Variants in CACNG2 observed in about 807,000 individuals in gnomAD.
CACNG2 encodes voltage-dependent calcium channel gamma-2 subunit.
A neutral mutation model predicts 25.9 loss-of-function variants in CACNG2; 3 were observed. The ratio of observed to expected loss-of-function variants is 0.12; its 90% CI spans 0.05 to 0.30. The LOEUF is 0.30. Among genes scored for constraint, CACNG2 ranks in the 10% least tolerant of loss-of-function variants. The pLI is 1.00. For missense variants in CACNG2, 341 were observed against 432.5 expected (o/e 0.79, Z 1.88); for synonymous variants, 167 against 173.3 (o/e 0.96, Z 0.29).
At chr22:36,621,485 G>A (rs1442503223) in intron 1 of CACNG2, among the ~76,000 whole-genome samples, 2 of 151,676 alleles carry the variant, frequency 1.3e-5, no homozygotes, top group South Asian at 2.1e-4. Flanking sequence ...CATGAAAATC[G>A]CTTGAACCCA....
At chr22:36,622,114 A>C (rs1292418000) in intron 1 of CACNG2, among the ~76,000 whole-genome samples, 2 of 152,176 alleles carry the variant, frequency 1.3e-5, no homozygotes, top group East Asian at 3.8e-4. Context: ...AGGCACAGAG[A>C]AGTTTAGTGA....
chr22:36,685,597 G>A lies in CACNG2; in HGVS notation c.211+16769C>T, dbSNP rs536980023. On this transcript the variant is annotated intron_variant, in intron 1 of 3. Transcript: ENST00000300105. ...CACCTCGGCTGCCGAGGCCCATCGG[G>A]AAGCCCCAGAGGCACAGTGTTCTCA... Among the ~76,000 whole-genome samples, 384 of 152,296 alleles carry A rather than the reference G, an allele frequency of 2.5e-3. 3 individuals carry two copies. Among genetic ancestry groups the A allele is most frequent in the African/African-American group, 8.9e-3 (370 of 41,566 alleles).
Position 36,564,895 on chromosome 22 carries a change from C to A in CACNG2, c.437-9G>T. 1 of 1,609,208 alleles carries A rather than the reference C, an allele frequency of 6.2e-7. No individual in the cohort carries two copies. The highest frequency in any genetic ancestry group is 1.1e-5 in the South Asian group (1 of 91,054). On this transcript the variant is annotated splice_polypyrimidine_tract_variant and intron_variant, in intron 3 of 3. Transcript: ENST00000300105. This position sits in a 1 kb window ranked among gnomAD's most constrained non-coding sequence, Gnocchi z 6.7. ...AATGATGTTACTCAGACCTGCGGGG[C>A]GCAGGGTGGCGGGGTGGGGGATCAG...
intron 2 of CACNG2, among the ~76,000 whole-genome samples, chr22:36,581,465 C>T (rs531630917): frequency 5.0e-4 from 76 of 152,222 alleles, no homozygotes; most frequent in Non-Finnish European, 9.0e-4. Flanking sequence ...GGCTTGAGCG[C>T]GGTGAGCCCC....
intron 1 of CACNG2, among the ~76,000 whole-genome samples, chr22:36,687,257 T>C (rs1358047647): frequency 6.6e-6 from 1 of 152,240 alleles, no homozygotes; most frequent in Non-Finnish European, 1.5e-5. Context: ...AGCCCCAGAT[T>C]TGTTTACTTG....
intron 1 of CACNG2, among the ~76,000 whole-genome samples, chr22:36,692,792 C>T (rs1937281670): frequency 6.6e-6 from 1 of 152,116 alleles, no homozygotes. Flanking sequence ...CATGGGGCTT[C>T]CAGTCTTACA....
chr22:36,637,736 C>T (rs1936379743), intron 1 of CACNG2, among the ~76,000 whole-genome samples: 1 of 152,090 alleles, frequency 6.6e-6, no homozygotes, highest in Non-Finnish European at 1.5e-5. Context: ...TGTCTGTTTC[C>T]TGGCCAGGTG....
chr22:36,595,036 T>C lies in CACNG2; in HGVS notation c.212-7488A>G, dbSNP rs989529308. Among the ~76,000 whole-genome samples the C allele has an allele frequency of 2.0e-5, 3 of 151,426 alleles. No homozygotes were observed. The South Asian group carries it at 6.3e-4, about 32-fold the overall frequency. On this transcript the variant is annotated intron_variant, in intron 1 of 3. Transcript: ENST00000300105. ...GTCTGCATATGTGTGTGTGTGCATG[T>C]ATGTGTCTGTGTGTGCATGTGTCTT...
At chr22:36,640,495 G>C (rs1362519676) in intron 1 of CACNG2, among the ~76,000 whole-genome samples, 1 of 152,216 alleles carries the variant, frequency 6.6e-6, no homozygotes, top group Non-Finnish European at 1.5e-5. Context: ...GGCCTCTGCA[G>C]CTGGACAGCC....
At position 36,703,215 on chromosome 22, in the gene CACNG2, G is replaced by A; in HGVS notation, c.-639C>T. 6.3e-6 allele frequency: 1 copy of A among 159,056 alleles called. No individual in the cohort carries two copies. The highest frequency in any genetic ancestry group is 1.3e-5 in the Non-Finnish European group (1 of 74,164). 9.9% of individuals were successfully genotyped at this position (159,056 alleles called of 1,614,324 possible). On this transcript the variant is annotated 5_prime_UTR_variant, in exon 1 of 4. Transcript: ENST00000300105. ...TCAGCTGCACAGGTGCGGGGGTCTC[G>A]CTTTCCATGGTTTTGCCCGGGCAGC...
chr22:36,701,523 A>G (rs1172581955), intron 1 of CACNG2, among the ~76,000 whole-genome samples: 1 of 145,816 alleles, frequency 6.9e-6, no homozygotes, highest in African/African-American at 2.6e-5. Flanking sequence ...TCCCCCCTCA[A>G]CCTCCCCATG....
In CACNG2 at chr22:36,564,556, C is replaced by T. The variant is rs759221759; in HGVS notation, c.767G>A (p.Gly256Asp). 10 of 1,613,938 alleles carry T rather than the reference C, an allele frequency of 6.2e-6. No homozygotes were observed. The African/African-American group carries it at 6.7e-5, about 11-fold the overall frequency. The change falls in exon 4 of 4, where the codon GGC (glycine) becomes GAC (aspartate). Residue 256 changes from glycine to aspartate, a missense_variant. By Grantham distance (94) the Gly-to-Asp change is moderately conservative. This residue lies in a region of CACNG2 where 172 missense variants were observed against 178.1 expected (regional missense o/e 0.97). Transcript: ENST00000300105. This position sits in a 1 kb window ranked among gnomAD's most constrained non-coding sequence, Gnocchi z 6.7. ...PSHSRDASPV[G>D]IKGFNTLPST... ...CGGCAGGGTGTTGAAGCCCTTGATGCCCACGGGGGAGGCGTCCCTGGAGTG... is the reference window on the plus strand; with the variant it reads ...CGGCAGGGTGTTGAAGCCCTTGATGTCCACGGGGGAGGCGTCCCTGGAGTG...
chr22:36,622,253 C>A (rs576756304), intron 1 of CACNG2, among the ~76,000 whole-genome samples: 1 of 152,226 alleles, frequency 6.6e-6, no homozygotes, highest in African/African-American at 2.4e-5. Flanking sequence ...TACTTGAAAT[C>A]GGCAGTTCTC....
rs144996798 is a variant in CACNG2 at position 36,594,017 on chromosome 22, C to T, written c.212-6469G>A. ...GATGAAATGAATGAGATTTCATTTC[C>T]CTAAGGCCAGCCTAGGGTTCCATTG... is the stretch of plus-strand genomic sequence containing the variant. On this transcript the variant is annotated intron_variant, in intron 1 of 3. Coordinates refer to ENST00000300105, the MANE Select transcript of CACNG2 (RefSeq NM_006078.5). Among the ~76,000 whole-genome samples, 215 of 152,164 alleles carry T rather than the reference C, an allele frequency of 1.4e-3. 1 individual carries two copies. The highest frequency in any genetic ancestry group is 4.7e-3 in the African/African-American group (197 of 41,498).
chr22:36,661,643 T>C (rs968678782), intron 1 of CACNG2, among the ~76,000 whole-genome samples: 2 of 152,206 alleles, frequency 1.3e-5, no homozygotes, highest in African/African-American at 2.4e-5. Flanking sequence ...GTTTTTGTAA[T>C]TGGCTCCATT....
intron 1 of CACNG2, among the ~76,000 whole-genome samples, chr22:36,608,540 A>G (rs1272481251): frequency 2.6e-5 from 4 of 152,210 alleles, no homozygotes; most frequent in Non-Finnish European, 1.5e-5. Flanking sequence ...TACTCATCAC[A>G]TCAACCCCTT....
intron 1 of CACNG2, among the ~76,000 whole-genome samples, chr22:36,665,948 C>A (rs1206170944): frequency 6.6e-6 from 1 of 152,168 alleles, no homozygotes; most frequent in East Asian, 1.9e-4. Flanking sequence ...TTCACAATAG[C>A]TAAAACCCAA....
At chr22:36,688,034 A>C (rs2146010910) in intron 1 of CACNG2, among the ~76,000 whole-genome samples, 1 of 152,300 alleles carries the variant, frequency 6.6e-6, no homozygotes, top group African/African-American at 2.4e-5. Context: ...TTATTACAGC[A>C]GCAATAGGAA....
chr22:36,619,355 G>A (rs559196320), intron 1 of CACNG2, among the ~76,000 whole-genome samples: 16 of 152,144 alleles, frequency 1.1e-4, no homozygotes, highest in Non-Finnish European at 2.1e-4. Context: ...AATTTCTTAC[G>A]CTCACGCTCA....
Sources: gnomAD v4.1 joint callset for allele counts (sites outside exome capture counted in the v4.1 genomes callset) on GRCh38, gnomAD v4.1.1 for gene constraint, gnomAD v4.1.1 regional missense constraint, Gnocchi (gnomAD v3.1) non-coding constraint, MANE v1.5 for transcripts, NCBI Gene and HGNC (gene_info 2026-07-23, HGNC 2026-07-21) for gene names.